PEX5L: variants seen among roughly 807,000 people sequenced by gnomAD.
PEX5L encodes peroxisomal biogenesis factor 5 like.
In PEX5L, 30 loss-of-function variants were observed where a neutral mutation model predicts 84.0. That is an observed-to-expected ratio of 0.36 (90% CI 0.27 to 0.48). PEX5L has a LOEUF of 0.48. PEX5L is among the 20% of genes least tolerant of loss of function. The pLI is 0.99. For missense variants in PEX5L, 533 were observed against 754.6 expected (o/e 0.71, Z 3.44); for synonymous variants, 270 against 283.1 (o/e 0.95, Z 0.46).
rs377328911 is a variant in PEX5L, at chr3:179,880,097, C to T, written c.337G>A (p.Asp113Asn). The change falls in exon 5 of 15, where the codon GAC (aspartate) becomes AAC (asparagine). Residue 113 changes from aspartate to asparagine, a missense_variant. By Grantham distance (23) the Asp-to-Asn change is conservative (BLOSUM62 1). Coordinates refer to ENST00000467460, the MANE Select transcript of PEX5L (RefSeq NM_016559.3). ...AVLTTGLDLL[D>N]LSEPVSQTQT... ...GTTTGAGAGACTGGTTCACTCAGGTCGAGGAGATCTAAGCCAGTGGTCAAT... is the reference window on the plus strand; with the variant it reads ...GTTTGAGAGACTGGTTCACTCAGGTTGAGGAGATCTAAGCCAGTGGTCAAT... 10 of 1,611,094 alleles carry T rather than the reference C, an allele frequency of 6.2e-6. No individual in the cohort carries two copies. The South Asian group carries it at 6.6e-5, about 11-fold the overall frequency.
rs757368176 is a variant in PEX5L at position 179,809,460 on chromosome 3, G to A, written c.1352+11C>T. On this transcript the variant is annotated intron_variant, in intron 12 of 14. Coordinates refer to ENST00000467460, the MANE Select transcript of PEX5L (RefSeq NM_016559.3). ...TGTTTACTGCCAGCTGTAATATAAC[G>A]AGAAGGATACCTATCAACTGGGGAC... 12 of 1,603,700 alleles carry A rather than the reference G, an allele frequency of 7.5e-6. No individual in the cohort carries two copies. Among genetic ancestry groups the A allele is most frequent in the Admixed American group, 3.3e-5 (2 of 59,968 alleles).
chr3:179,937,501 T>A (rs963784984), intron 2 of PEX5L, among the ~76,000 whole-genome samples: 1 of 152,218 alleles, frequency 6.6e-6, no homozygotes, highest in African/African-American at 2.4e-5. Context: ...CTTTCAACTC[T>A]GGCCTCCTTT....
intron 8 of PEX5L, among the ~76,000 whole-genome samples, chr3:179,834,547 G>A (rs1201279779): frequency 1.3e-5 from 2 of 152,234 alleles, no homozygotes; most frequent in Non-Finnish European, 2.9e-5. Flanking sequence ...CTTGGAGACT[G>A]TGGCTAGTGA....
chr3:179,940,495 T>C (rs771234262), intron 2 of PEX5L, among the ~76,000 whole-genome samples: 3 of 152,134 alleles, frequency 2.0e-5, no homozygotes, highest in Non-Finnish European at 2.9e-5. Flanking sequence ...TAGTTGCCAC[T>C]ATCAGGAAAC....
intron 5 of PEX5L, 37 bp from the exon 6 acceptor site, chr3:179,875,514 G>A (rs375249238): frequency 8.6e-5 from 138 of 1,598,548 alleles, no homozygotes; most frequent in African/African-American, 5.4e-4. Flanking sequence ...GGCAGGTGGC[G>A]GCAGGGCGGG....
intron 2 of PEX5L, chr3:179,902,649 C>T (rs1761789752): frequency 2.2e-6 from 1 of 456,002 alleles, no homozygotes; most frequent in Non-Finnish European, 4.4e-6. Flanking sequence ...CATTAAATGC[C>T]ACTTTTACTA....
At chr3:179,815,500 G>T (rs993107876) in intron 10 of PEX5L, among the ~76,000 whole-genome samples, 2 of 152,212 alleles carry the variant, frequency 1.3e-5, no homozygotes, top group Non-Finnish European at 2.9e-5. Context: ...CAGGGGAATC[G>T]CTTGAACCTG....
chr3:180,036,319 T>C (rs1180546942), intron 1 of PEX5L, among the ~76,000 whole-genome samples: 2 of 152,186 alleles, frequency 1.3e-5, no homozygotes, highest in African/African-American at 4.8e-5. Context: ...TCCTTGATCC[T>C]GTTTAAAGAA....
chr3:179,988,424 T>TAAAATA (rs1787067636), intron 1 of PEX5L, among the ~76,000 whole-genome samples: 1 of 121,922 alleles, frequency 8.2e-6, no homozygotes. Flanking sequence ...ATAAATAAAA[T>TAAAATA]AAAAAAAGAA....
intron 5 of PEX5L, among the ~76,000 whole-genome samples, chr3:179,878,786 T>G (rs554234006): frequency 3.3e-5 from 5 of 152,182 alleles, no homozygotes; most frequent in African/African-American, 9.7e-5. Context: ...TAGTAACTGA[T>G]GTGGGTTTTC....
At chr3:180,035,579 G>A (rs1203629169) in intron 1 of PEX5L, among the ~76,000 whole-genome samples, 1 of 152,056 alleles carries the variant, frequency 6.6e-6, no homozygotes, top group Non-Finnish European at 1.5e-5. Flanking sequence ...AATTAAATCT[G>A]GGTAGTACTA....
At chr3:179,980,900 T>C (rs1443577020) in intron 1 of PEX5L, among the ~76,000 whole-genome samples, 1 of 152,012 alleles carries the variant, frequency 6.6e-6, no homozygotes, top group Non-Finnish European at 1.5e-5. Flanking sequence ...GGCGAGCACC[T>C]GTAATCCCAG....
chr3:179,809,669 CTG>C lies in PEX5L; in HGVS notation c.1155-3_1155-2del. ...GTTGTTGGGCTGTAATTCTAAGCAC[CTG>C]AAAAAAAAAAAGAAGCCAATTTCAG... On this transcript the variant is annotated splice_acceptor_variant and splice_polypyrimidine_tract_variant and intron_variant, in intron 11 of 14. Coordinates refer to ENST00000467460, the MANE Select transcript of PEX5L (RefSeq NM_016559.3). LOFTEE classifies it high-confidence loss of function. 1.4e-6 allele frequency: 2 copies of C among 1,428,796 alleles called. No individual in the cohort carries two copies. The highest frequency in any genetic ancestry group is 5.2e-5 in the African/African-American group (2 of 38,198). The allele number at this position is 1,428,796 out of a possible 1,614,324, so 88.5% of individuals were successfully genotyped here.
At chr3:179,896,055 A>C (rs1321374078) in intron 3 of PEX5L, 1 of 152,172 alleles carries the variant, frequency 6.6e-6, no homozygotes, top group East Asian at 1.9e-4. Context: ...ATGTGGTACG[A>C]TACACGGACT....
At chr3:179,874,734 TTTTG>T (rs1291208953) in intron 6 of PEX5L, among the ~76,000 whole-genome samples, 696 of 65,674 alleles carry the variant, frequency 0.011, 56 homozygotes, top group African/African-American at 0.036. Flanking sequence ...TGGTTTTTTT[TTTTG>T]TTTTTTTTTT....
intron 7 of PEX5L, among the ~76,000 whole-genome samples, chr3:179,859,802 A>G (rs996432018): frequency 6.6e-6 from 1 of 152,240 alleles, no homozygotes; most frequent in Non-Finnish European, 1.5e-5. Context: ...TTAATAGGCA[A>G]TGTAATATTT....
intron 8 of PEX5L, among the ~76,000 whole-genome samples, chr3:179,832,235 C>T (rs1733291292): frequency 6.6e-6 from 1 of 151,874 alleles, no homozygotes; most frequent in Middle Eastern, 3.2e-3. Context: ...GGGAGAGCTA[C>T]AGAAAGAGAG....
At chr3:179,948,148 T>C (rs1778108426) in intron 2 of PEX5L, among the ~76,000 whole-genome samples, 2 of 152,230 alleles carry the variant, frequency 1.3e-5, no homozygotes, top group Non-Finnish European at 2.9e-5. Context: ...TGTTTGACTT[T>C]CCATAATTAT....
At chr3:179,904,228 A>G (rs907973913) in intron 2 of PEX5L, among the ~76,000 whole-genome samples, 19 of 152,266 alleles carry the variant, frequency 1.2e-4, no homozygotes, top group African/African-American at 4.6e-4. Flanking sequence ...TGCTTTCTCC[A>G]TGCAACAGGT....
Sources: gnomAD v4.1 joint callset for allele counts (sites outside exome capture counted in the v4.1 genomes callset) on GRCh38, gnomAD v4.1.1 for gene constraint, MANE v1.5 for transcripts, NCBI Gene and HGNC (gene_info 2026-07-23, HGNC 2026-07-21) for gene names.